EXD3: variants seen among roughly 807,000 people sequenced by gnomAD.
EXD3 encodes exonuclease 3'-5' domain containing 3, also known as exonuclease mut-7 homolog.
Under a neutral mutation model 98.0 loss-of-function variants are expected in EXD3, and 92 were observed. The ratio of observed to expected loss-of-function variants is 0.94; its 90% CI spans 0.79 to 1.12. The LOEUF (loss-of-function observed/expected upper bound fraction) is 1.12, where lower values mean the gene tolerates loss of function less well. Among genes scored for constraint, EXD3 ranks in the 50% most tolerant of loss-of-function variants. The pLI, the probability that EXD3 is intolerant of heterozygous loss-of-function variation, is 0.00. For synonymous variants in EXD3, 569 were observed against 526.0 expected (o/e 1.08, Z -1.12); for missense variants, 1,222 against 1,191.6 (o/e 1.03, Z -0.38).
At chr9:137,396,103 G>A (rs1375459629) in intron 1 of EXD3, among the ~76,000 whole-genome samples, 3 of 152,092 alleles carry the variant, frequency 2.0e-5, no homozygotes, top group Non-Finnish European at 2.9e-5. Flanking sequence ...GAGTAGCTGG[G>A]ATGACAGGCA....
At chr9:137,390,179 C>G (rs541800151) in intron 2 of EXD3, among the ~76,000 whole-genome samples, 1 of 139,904 alleles carries the variant, frequency 7.1e-6, no homozygotes, top group East Asian at 2.1e-4. Flanking sequence ...ACCTGTAATC[C>G]CAGCACTTTG....
At chr9:137,314,586 C>T (rs570500520) in intron 19 of EXD3, among the ~76,000 whole-genome samples, 33 of 152,182 alleles carry the variant, frequency 2.2e-4, no homozygotes, top group South Asian at 1.9e-3. Flanking sequence ...GGAGAGGCCT[C>T]GCCCCTGCCC....
intron 3 of EXD3, chr9:137,377,186 C>G (rs888901025): frequency 6.6e-6 from 1 of 152,188 alleles, no homozygotes; most frequent in Non-Finnish European, 1.5e-5. Flanking sequence ...GCAGTGGCCA[C>G]GCCCGGAATC....
rs60776134 is a variant in EXD3 at position 137,377,445 on chromosome 9, T to TAAA, written c.121-3849_121-3847dup. 4.5e-3 allele frequency among the ~76,000 whole-genome samples: 428 copies of TAAA among 94,448 alleles called. 2 individuals carry two copies. Among genetic ancestry groups the TAAA allele is most frequent in the African/African-American group, 0.016 (413 of 25,428 alleles). The allele number at this position is 94,448 out of a possible 152,430, so 62.0% of individuals were successfully genotyped here. ...GGGTGACAGAACAAGACTCTGTCTC[T>TAAA]AAAAAAAAAAAAAAAAAGGGAAAGG... On this transcript the variant is annotated intron_variant, in intron 3 of 21. Coordinates refer to ENST00000340951, the MANE Select transcript of EXD3 (RefSeq NM_017820.5).
chr9:137,314,494 C>A (rs1423330913), intron 19 of EXD3, among the ~76,000 whole-genome samples: 4 of 152,170 alleles, frequency 2.6e-5, no homozygotes, highest in African/African-American at 7.2e-5. Context: ...CCCCGTGGAG[C>A]AAGCTGGTAG....
rs1297500987 is a variant in EXD3, at chr9:137,405,849, G to A, written c.-47-10445C>T. Among the ~76,000 whole-genome samples, 1 of 152,250 alleles carries A rather than the reference G, an allele frequency of 6.6e-6. No individual in the cohort carries two copies. Among genetic ancestry groups the A allele is most frequent in the African/African-American group, 2.4e-5 (1 of 41,470 alleles). ...ACCATCTGCTGCCCTGGAACCCTTG[G>A]TGGGACCCGCTGCCCACAGACACCT... On this transcript the variant is annotated intron_variant, in intron 1 of 21. Coordinates refer to ENST00000340951, the MANE Select transcript of EXD3 (RefSeq NM_017820.5). This position sits in a 1 kb window ranked among gnomAD's most constrained non-coding sequence, Gnocchi z 4.1.
At chr9:137,339,335 G>A (rs1222853870) in intron 17 of EXD3, among the ~76,000 whole-genome samples, 1 of 151,978 alleles carries the variant, frequency 6.6e-6, no homozygotes, top group Non-Finnish European at 1.5e-5. Context: ...TATGTCAGAT[G>A]TACCCAGAAA....
intron 7 of EXD3, among the ~76,000 whole-genome samples, chr9:137,364,801 C>T (rs539202918): frequency 5.5e-5 from 8 of 145,272 alleles, no homozygotes; most frequent in Non-Finnish European, 1.2e-4. Flanking sequence ...CTGAGTCTCG[C>T]TCTGTCGCCC....
intron 3 of EXD3, among the ~76,000 whole-genome samples, chr9:137,375,460 G>A (rs549144731): frequency 1.3e-5 from 2 of 152,120 alleles, no homozygotes; most frequent in African/African-American, 4.8e-5. Flanking sequence ...GCTCTAGCGA[G>A]TTCTAACTCT....
chr9:137,386,782 TCCCTCAGCACCCCTGCTCCCTGCCTGGCC>T (rs1836613933), intron 2 of EXD3, among the ~76,000 whole-genome samples: 3 of 117,908 alleles, frequency 2.5e-5, no homozygotes, highest in African/African-American at 1.0e-4. Context: ...CCTGCCTGCC[TCCCTCAGCACCCCTGCTCCCTGCCTGGCC>T]CCCTCAGCAC....
At position 137,373,555 on chromosome 9, in the gene EXD3, G is replaced by A. The variant is rs79177615; in HGVS notation, c.165C>T (p.Pro55=). Residue 55 remains proline (P), a synonymous_variant, in exon 4 of 22, where the codon CCC becomes CCT. Coordinates refer to ENST00000340951, the MANE Select transcript of EXD3 (RefSeq NM_017820.5). ...AWRGFAALDD[P]LAGLLDMLES... Reference sequence around the variant, plus strand: ...CCAGCATGTCCAGAAGCCCGGCCAGGGGGTCGTCCAAGGCAGCAAACCCCC... The same window carrying A: ...CCAGCATGTCCAGAAGCCCGGCCAGAGGGTCGTCCAAGGCAGCAAACCCCC... 1.2e-3 allele frequency: 1,868 copies of A among 1,603,800 alleles called. 30 individuals are homozygous for A. The African/African-American group carries it at 0.022, about 19-fold the overall frequency.
At chr9:137,366,709 G>A in intron 6 of EXD3, 77 bp from the exon 7 acceptor site, 1 of 1,496,672 alleles carries the variant, frequency 6.7e-7, no homozygotes, top group Non-Finnish European at 8.9e-7. Context: ...CCCAGAGGGA[G>A]CGGCCAAAGT....
At position 137,399,211 on chromosome 9, in the gene EXD3, G is replaced by C. The variant is rs138749936; in HGVS notation, c.-47-3807C>G. On this transcript the variant is annotated intron_variant, in intron 1 of 21. Transcript: ENST00000340951. ...AGCCTCAGGGGTTGCTGAGAAATCTGATGCCCCCTGACTCGAGTGCCAGCA... is the reference window on the plus strand; with the variant it reads ...AGCCTCAGGGGTTGCTGAGAAATCTCATGCCCCCTGACTCGAGTGCCAGCA... Among the ~76,000 whole-genome samples, 496 of 152,352 alleles carry C rather than the reference G, an allele frequency of 3.3e-3. 3 individuals carry two copies. Among genetic ancestry groups the C allele is most frequent in the Non-Finnish European group, 5.3e-3 (358 of 68,036 alleles).
At chr9:137,370,585 C>T (rs1287834007) in intron 5 of EXD3, among the ~76,000 whole-genome samples, 1 of 149,226 alleles carries the variant, frequency 6.7e-6, no homozygotes, top group Non-Finnish European at 1.5e-5. Flanking sequence ...TAGACAGGCC[C>T]AGGAGCTGCT....
intron 17 of EXD3, among the ~76,000 whole-genome samples, chr9:137,328,615 C>T (rs1265206613): frequency 4.8e-5 from 4 of 83,168 alleles, no homozygotes; most frequent in African/African-American, 2.8e-4. Flanking sequence ...CACGGGGCTA[C>T]ACGGGACTAC....
intron 17 of EXD3, among the ~76,000 whole-genome samples, chr9:137,328,083 C>T (rs1172796019): frequency 1.4e-5 from 2 of 146,002 alleles, no homozygotes; most frequent in Non-Finnish European, 3.0e-5. Context: ...AACATACTCC[C>T]ATATGATGAG....
intron 4 of EXD3, 137 bp from the exon 5 acceptor site, chr9:137,373,209 G>T: frequency 2.5e-6 from 3 of 1,196,390 alleles, no homozygotes; most frequent in Admixed American, 4.9e-5. Flanking sequence ...CTGCAGGGCT[G>T]GGGCACGGGA....
intron 1 of EXD3, among the ~76,000 whole-genome samples, chr9:137,408,261 T>G (rs976697551): frequency 2.0e-5 from 3 of 151,148 alleles, no homozygotes; most frequent in African/African-American, 7.3e-5. Context: ...GGCTTTGGGG[T>G]GGGGGGGCCG....
intron 3 of EXD3, chr9:137,374,449 G>C: frequency 1.8e-6 from 1 of 550,982 alleles, no homozygotes; most frequent in Non-Finnish European, 2.3e-6. Context: ...CTGCGATGTG[G>C]ATGGTGTGCT....
Sources: gnomAD v4.1 joint callset for allele counts (sites outside exome capture counted in the v4.1 genomes callset) on GRCh38, gnomAD v4.1.1 for gene constraint, Gnocchi (gnomAD v3.1) non-coding constraint, MANE v1.5 for transcripts, NCBI Gene and HGNC (gene_info 2026-07-23, HGNC 2026-07-21) for gene names.